Variants in LHX8 observed in about 807,000 individuals in gnomAD.
LHX8 encodes LIM homeobox 8, also known as LIM/homeobox protein Lhx8.
LHX8 carries 12 observed loss-of-function variants against 40.3 expected under a neutral mutation model. The observed-to-expected ratio is 0.30, with a 90% CI of 0.19 to 0.48. LHX8 has a LOEUF of 0.48. Ranked by LOEUF, LHX8 falls within the 20% of genes least tolerant of loss-of-function variation. LHX8 has a pLI of 0.99. For synonymous variants in LHX8, 179 were observed against 162.0 expected, an observed-to-expected ratio of 1.10 and a Z score of -0.80; for missense variants, 344 against 433.7, an observed-to-expected ratio of 0.79 and a Z score of 1.84.
chr1:75,143,960 A>G lies in LHX8; in HGVS notation c.684+12A>G. 6.2e-7 allele frequency: 1 copy of G among 1,610,510 alleles called. No individual in the cohort carries two copies. The highest frequency in any genetic ancestry group is 8.5e-7 in the Non-Finnish European group (1 of 1,177,162). On this transcript the variant is annotated intron_variant, in intron 6 of 8. Transcript: ENST00000356261. ...CAGATCAGCTTCAGGTAAGCATAAC[A>G]ATGAATTTTTTATTTTTGAAGCCCC...
chr1:75,166,992 A>T, the LHX8 span, among the ~76,000 whole-genome samples: 9 of 152,204 alleles, frequency 5.9e-5, no homozygotes. Context: ...GCACAGGAGC[A>T]GGCAGGGCAA....
chr1:75,183,395 A>G, the LHX8 span, among the ~76,000 whole-genome samples: 1 of 152,188 alleles, frequency 6.6e-6, no homozygotes, highest in Non-Finnish European at 1.5e-5. Context: ...CAGGTCACCT[A>G]CAAAGGGAAC....
chr1:75,148,695 C>CTTTT lies in LHX8; in HGVS notation c.780+24_780+27dup. 1.5e-6 allele frequency: 2 copies of CTTTT among 1,339,550 alleles called. No individual in the cohort carries two copies. Among genetic ancestry groups the CTTTT allele is most frequent in the Non-Finnish European group, 2.1e-6 (2 of 955,038 alleles). The allele number at this position is 1,339,550 out of a possible 1,614,324, so 83.0% of individuals were successfully genotyped here. A position where few individuals can be genotyped will look rare whatever the true frequency, so the allele number is the denominator to read the frequency against. ...ACGTGTGATACAGGTGATTACTTTA[C>CTTTT]TTTTTTTTTTTTTTAAGGTTTTTAA... On this transcript the variant is annotated intron_variant, in intron 7 of 8. Coordinates refer to ENST00000356261, the MANE Select transcript of LHX8 (RefSeq NM_001256114.2).
upstream of LHX8, among the ~76,000 whole-genome samples, chr1:75,133,227 T>C (rs1158287556): frequency 6.6e-6 from 1 of 152,204 alleles, no homozygotes; most frequent in East Asian, 1.9e-4. Context: ...CTGAAGACTC[T>C]AGTGTTTATG....
intron 7 of LHX8, among the ~76,000 whole-genome samples, chr1:75,150,300 G>A (rs1054199448): frequency 6.6e-6 from 1 of 152,212 alleles, no homozygotes; most frequent in Non-Finnish European, 1.5e-5. Flanking sequence ...CCATTGACAG[G>A]AATGTGAAAG....
chr1:75,143,590 T>C (rs533416551), intron 5 of LHX8, among the ~76,000 whole-genome samples: 16 of 152,294 alleles, frequency 1.1e-4, no homozygotes, highest in Middle Eastern at 6.8e-3. Context: ...TTTTTGTAAA[T>C]AGTTGTTTTC....
chr1:75,185,791 A>G, the LHX8 span, among the ~76,000 whole-genome samples: 1 of 152,176 alleles, frequency 6.6e-6, no homozygotes, highest in East Asian at 1.9e-4. Context: ...TATATCTCGA[A>G]AACCCAAGAG....
chr1:75,178,429 A>AT, the LHX8 span, among the ~76,000 whole-genome samples: 1 of 151,306 alleles, frequency 6.6e-6, no homozygotes, highest in African/African-American at 2.4e-5. Context: ...GAATTTATCC[A>AT]TTTTTTCTAG....
At chr1:75,137,708 G>T (rs1012009803) in intron 3 of LHX8, among the ~76,000 whole-genome samples, 9 of 152,200 alleles carry the variant, frequency 5.9e-5, no homozygotes, top group African/African-American at 2.2e-4. Flanking sequence ...CTGCTTAGAA[G>T]AATTTTAAGT....
At chr1:75,198,614 G>A in the LHX8 span, among the ~76,000 whole-genome samples, 2 of 152,150 alleles carry the variant, frequency 1.3e-5, no homozygotes, top group Non-Finnish European at 2.9e-5. Context: ...TGTATTAACA[G>A]CCTCCATGCT....
chr1:75,171,287 T>A, the LHX8 span, among the ~76,000 whole-genome samples: 1 of 152,122 alleles, frequency 6.6e-6, no homozygotes, highest in Non-Finnish European at 1.5e-5. Context: ...GTGAGTACAC[T>A]TGGTAGCCAA....
intron 3 of LHX8, 59 bp downstream of exon 3, chr1:75,137,320 G>T: frequency 6.5e-7 from 1 of 1,531,724 alleles, no homozygotes; most frequent in Non-Finnish European, 9.0e-7. Context: ...GGGAGCTCTG[G>T]GAAAAGAGTA....
At chr1:75,181,809 T>C in the LHX8 span, among the ~76,000 whole-genome samples, 1 of 152,226 alleles carries the variant, frequency 6.6e-6, no homozygotes, top group Non-Finnish European at 1.5e-5. Flanking sequence ...AGACCGGAGC[T>C]GTTCCTGTTC....
the LHX8 span, among the ~76,000 whole-genome samples, chr1:75,193,382 G>C: frequency 6.6e-6 from 1 of 152,134 alleles, no homozygotes; most frequent in African/African-American, 2.4e-5. Context: ...TTAATGTGCA[G>C]CAGAATCACC....
At chr1:75,142,987 T>C in intron 4 of LHX8, 131 bp from the exon 5 acceptor site, 1 of 740,196 alleles carries the variant, frequency 1.4e-6, no homozygotes, top group Non-Finnish European at 2.3e-6. Context: ...TTGATTCTTG[T>C]TTCATTCTCA....
the LHX8 span, among the ~76,000 whole-genome samples, chr1:75,186,140 C>T: frequency 6.6e-6 from 1 of 152,126 alleles, no homozygotes; most frequent in Admixed American, 6.6e-5. Context: ...AGATCCAATG[C>T]TACTCCTATC....
At chr1:75,163,214 T>A (rs535586677), downstream of LHX8, among the ~76,000 whole-genome samples, 2 of 152,302 alleles carry the variant, frequency 1.3e-5, no homozygotes, top group South Asian at 4.1e-4. Context: ...GTTTTGAATA[T>A]CCCATAATAA....
At chr1:75,176,243 C>T in the LHX8 span, among the ~76,000 whole-genome samples, 1 of 152,196 alleles carries the variant, frequency 6.6e-6, no homozygotes, top group African/African-American at 2.4e-5. Context: ...TGAGGAATCA[C>T]CACACTGTCT....
At chr1:75,186,121 G>A in the LHX8 span, among the ~76,000 whole-genome samples, 1 of 152,126 alleles carries the variant, frequency 6.6e-6, no homozygotes, top group Non-Finnish European at 1.5e-5. Context: ...ACTGCCCAAA[G>A]CAATTTATAG....
Sources: gnomAD v4.1 joint callset for allele counts (sites outside exome capture counted in the v4.1 genomes callset) on GRCh38, gnomAD v4.1.1 for gene constraint, MANE v1.5 for transcripts, NCBI Gene and HGNC (gene_info 2026-07-23, HGNC 2026-07-21) for gene names.